The following KATNIP variants were observed in gnomAD, a reference collection of about 807,000 sequenced individuals.
KATNIP encodes the protein katanin-interacting protein.
KATNIP carries 126 observed loss-of-function variants against 174.0 expected under a neutral mutation model. The observed-to-expected ratio is 0.72, with a 90% confidence interval of 0.63 to 0.84. The LOEUF is 0.84. KATNIP is among the 40% of genes least tolerant of loss of function. The pLI is 0.00. For missense variants in KATNIP, 1,958 were observed against 2,109.7 expected, an observed-to-expected ratio of 0.93 and a Z score of 1.41; for synonymous variants, 810 against 835.7, an observed-to-expected ratio of 0.97 and a Z score of 0.53.
chr16:27,621,911 CA>C (rs2076208171), intron 3 of KATNIP, among the ~76,000 whole-genome samples: 1 of 151,950 alleles, frequency 6.6e-6, no homozygotes, highest in South Asian at 2.1e-4. Context: ...AGTCACCTCC[CA>C]CCAGGTCCTA....
chr16:27,728,380 G>C (rs937234177), intron 14 of KATNIP, among the ~76,000 whole-genome samples: 2 of 152,216 alleles, frequency 1.3e-5, no homozygotes, highest in African/African-American at 2.4e-5. Flanking sequence ...GCTTTAAAGC[G>C]GGTCCCCAGC....
At chr16:27,580,295 T>C (rs1170282500) in intron 2 of KATNIP, among the ~76,000 whole-genome samples, 1 of 152,170 alleles carries the variant, frequency 6.6e-6, no homozygotes, top group Non-Finnish European at 1.5e-5. Context: ...GTATTTTTTG[T>C]AGAAACAGGG....
At chr16:27,652,669 C>A (rs937239080) in intron 6 of KATNIP, among the ~76,000 whole-genome samples, 3 of 151,850 alleles carry the variant, frequency 2.0e-5, no homozygotes, top group Non-Finnish European at 4.4e-5. Flanking sequence ...AAAAATTAGC[C>A]AGGTGTAGTG....
At chr16:27,661,910 TAATA>T (rs1188330053) in intron 6 of KATNIP, among the ~76,000 whole-genome samples, 4 of 41,684 alleles carry the variant, frequency 9.6e-5, no homozygotes, top group African/African-American at 3.1e-4. Flanking sequence ...TGTGCCTGGC[TAATA>T]TATATATATA....
At chr16:27,710,651 A>G (rs1197235365) in intron 13 of KATNIP, among the ~76,000 whole-genome samples, 4 of 152,162 alleles carry the variant, frequency 2.6e-5, no homozygotes, top group Non-Finnish European at 5.9e-5. Flanking sequence ...ACAGGCACAC[A>G]ACACCACATC....
chr16:27,565,094 G>T (rs1187881441), intron 1 of KATNIP, among the ~76,000 whole-genome samples: 2 of 151,698 alleles, frequency 1.3e-5, no homozygotes, highest in East Asian at 3.9e-4. Context: ...CCTGCTCTTT[G>T]TCTAATAGAT....
intron 18 of KATNIP, among the ~76,000 whole-genome samples, chr16:27,756,043 C>G (rs550854704): frequency 6.6e-6 from 1 of 152,182 alleles, no homozygotes; most frequent in East Asian, 1.9e-4. Flanking sequence ...AGGACTAAGT[C>G]CTTCTGTTCC....
intron 13 of KATNIP, among the ~76,000 whole-genome samples, chr16:27,720,265 A>G (rs1473572447): frequency 1.3e-5 from 2 of 151,296 alleles, no homozygotes; most frequent in African/African-American, 4.9e-5. Context: ...TAATTTTTGC[A>G]TTATTAGTAG....
At chr16:27,748,498 G>A (rs2081373403) in intron 15 of KATNIP, among the ~76,000 whole-genome samples, 5 of 152,198 alleles carry the variant, frequency 3.3e-5, no homozygotes, top group Admixed American at 3.3e-4. Context: ...GGCTGAGGTG[G>A]GAGGATCACC....
Position 27,642,340 on chromosome 16 carries a change from C to T in KATNIP, c.409-6264C>T, listed in dbSNP as rs1192129109. Among the ~76,000 whole-genome samples the T allele has an allele frequency of 2.0e-5, 3 of 152,178 alleles. No homozygotes were observed. The East Asian group carries it at 5.8e-4, about 29-fold the overall frequency. On this transcript the variant is annotated intron_variant, in intron 5 of 27. Coordinates refer to ENST00000261588, the MANE Select transcript of KATNIP (RefSeq NM_015202.5). ...AAAAACCAAACACCGCATGTTCTCA[C>T]TCATAGGTGGGAATTGAACAATGAG... is the stretch of plus-strand genomic sequence containing the variant.
intron 13 of KATNIP, among the ~76,000 whole-genome samples, chr16:27,717,519 A>T (rs2080009188): frequency 1.3e-5 from 2 of 151,612 alleles, no homozygotes; most frequent in African/African-American, 4.9e-5. Flanking sequence ...TGGAAACATT[A>T]CCTGTTTGCC....
At chr16:27,748,804 G>T (rs1169641526) in intron 15 of KATNIP, among the ~76,000 whole-genome samples, 1 of 151,912 alleles carries the variant, frequency 6.6e-6, no homozygotes, top group Non-Finnish European at 1.5e-5. Context: ...TAAAAAGAAA[G>T]AAAATAAAAG....
chr16:27,576,563 C>T (rs1342615745), intron 2 of KATNIP, among the ~76,000 whole-genome samples: 2 of 151,944 alleles, frequency 1.3e-5, no homozygotes, highest in Admixed American at 1.3e-4. Context: ...ATTACTTGAG[C>T]CCAGGAGTTC....
At chr16:27,596,630 C>G (rs1271199699) in intron 2 of KATNIP, among the ~76,000 whole-genome samples, 1 of 152,130 alleles carries the variant, frequency 6.6e-6, no homozygotes, top group African/African-American at 2.4e-5. Context: ...GAAATGGTAG[C>G]TCACACTGTT....
At chr16:27,691,283 GT>G (rs1452615962) in intron 8 of KATNIP, among the ~76,000 whole-genome samples, 3 of 152,190 alleles carry the variant, frequency 2.0e-5, no homozygotes, top group African/African-American at 7.2e-5. Context: ...TACACCTTTT[GT>G]TTCTCTGTGA....
intron 14 of KATNIP, among the ~76,000 whole-genome samples, chr16:27,721,900 T>G (rs1247494386): frequency 1.3e-5 from 2 of 151,894 alleles, no homozygotes; most frequent in Non-Finnish European, 2.9e-5. Context: ...TGTTGGGAGG[T>G]GGTATCAGGC....
intron 2 of KATNIP, among the ~76,000 whole-genome samples, chr16:27,599,074 G>A (rs540852641): frequency 2.6e-5 from 4 of 152,230 alleles, no homozygotes; most frequent in Non-Finnish European, 5.9e-5. Context: ...TGAGCGATCT[G>A]GGCCCCGCAG....
chr16:27,677,660 T>C, intron 6 of KATNIP, 69 bp from the exon 7 acceptor site: 5 of 1,424,662 alleles, frequency 3.5e-6, no homozygotes, highest in Non-Finnish European at 4.8e-6. Flanking sequence ...GTTCAAATGA[T>C]CTATTTTCAA....
rs772320459 is a variant in KATNIP at position 27,740,541 on chromosome 16, C to T, written c.2244C>T (p.Pro748=). Residue 748 remains proline (P), a synonymous_variant, in exon 15 of 28, where the codon CCC becomes CCT. Coordinates refer to ENST00000261588, the MANE Select transcript of KATNIP (RefSeq NM_015202.5). ...NLMGRKICEP[P]GKTPSWLQPS... The stretch of plus-strand genomic sequence containing the variant: ...TGGGCAGAAAAATCTGTGAGCCACC[C>T]GGGAAAACCCCATCCTGGTTACAAC... 19 of 1,613,972 alleles carry T rather than the reference C, an allele frequency of 1.2e-5. No homozygotes were observed. Among genetic ancestry groups the T allele is most frequent in the East Asian group, 6.7e-5 (3 of 44,882 alleles).
Sources: gnomAD v4.1 joint callset for allele counts (sites outside exome capture counted in the v4.1 genomes callset) on GRCh38, gnomAD v4.1.1 for gene constraint, MANE v1.5 for transcripts, NCBI Gene and HGNC (gene_info 2026-07-23, HGNC 2026-07-21) for gene names.